The following MCC variants were observed in gnomAD, a reference collection of about 807,000 sequenced individuals.
MCC encodes the protein colorectal mutant cancer protein.
Under a neutral mutation model 116.2 loss-of-function variants are expected in MCC, and 90 were observed. The ratio of observed to expected loss-of-function variants is 0.77; its 90% CI spans 0.65 to 0.92. MCC has a LOEUF of 0.92. MCC is among the 40% of genes least tolerant of loss of function. The pLI is 0.00. For synonymous variants in MCC, 578 were observed against 510.5 expected (o/e 1.13, Z -1.78); for missense variants, 1,516 against 1,312.2 (o/e 1.16, Z -2.40).
At chr5:113,273,604 A>C (rs1765693281) in intron 3 of MCC, among the ~76,000 whole-genome samples, 1 of 152,190 alleles carries the variant, frequency 6.6e-6, no homozygotes, top group Non-Finnish European at 1.5e-5. Flanking sequence ...CACATTTTAA[A>C]GAATTTAGAT....
At chr5:113,042,201 G>A (rs1379450881) in intron 17 of MCC, among the ~76,000 whole-genome samples, 1 of 151,766 alleles carries the variant, frequency 6.6e-6, no homozygotes, top group Non-Finnish European at 1.5e-5. Context: ...GCCGGGCAGG[G>A]CACTGCATGC....
chr5:113,381,531 TA>T (rs1165095717), intron 2 of MCC, among the ~76,000 whole-genome samples: 4 of 152,194 alleles, frequency 2.6e-5, no homozygotes, highest in African/African-American at 9.7e-5. Context: ...TGCTTGCCTG[TA>T]ATCTCAGCAC....
rs1005949382 is a variant in MCC at position 113,029,840 on chromosome 5, T to C, written c.2757-784A>G. Among the ~76,000 whole-genome samples the C allele has an allele frequency of 1.5e-4, 23 of 152,216 alleles. 1 individual carries two copies. Among genetic ancestry groups the C allele is most frequent in the Admixed American group, 5.2e-4 (8 of 15,284 alleles). ...TATCACATGCACAGTGTTACTCCAC[T>C]TAGTAGCACACTCAGCACTATGTCA... On this transcript the variant is annotated intron_variant, in intron 17 of 18. Coordinates refer to ENST00000408903, the MANE Select transcript of MCC (RefSeq NM_001085377.2).
rs1446461174 is a variant in MCC, at chr5:113,294,747, T to C, written c.627+45772A>G. 3 of 993,804 alleles carry C rather than the reference T, an allele frequency of 3.0e-6. No individual in the cohort carries two copies. In the Admixed American group the frequency reaches 1.8e-4, roughly 60 times the overall value. The allele number at this position is 993,804 out of a possible 1,614,324, so 61.6% of individuals were successfully genotyped here. On this transcript the variant is annotated intron_variant, in intron 3 of 18. Transcript: ENST00000408903. Reference sequence around the variant, plus strand: ...TCCTACGGTGCCTCGCCGCCCCCCATTACCAGGATGGAGGGCACTTCCCAG... The same window carrying C: ...TCCTACGGTGCCTCGCCGCCCCCCACTACCAGGATGGAGGGCACTTCCCAG...
chr5:113,192,708 C>G (rs977176585), intron 3 of MCC, among the ~76,000 whole-genome samples: 2 of 152,226 alleles, frequency 1.3e-5, no homozygotes, highest in African/African-American at 4.8e-5. Context: ...GCACACAACA[C>G]AGTCCAAACA....
At chr5:113,052,799 G>A (rs1440270228) in intron 15 of MCC, among the ~76,000 whole-genome samples, 1 of 152,140 alleles carries the variant, frequency 6.6e-6, no homozygotes, top group South Asian at 2.1e-4. Context: ...CCGGAGGTCA[G>A]GTGGCTGAAA....
intron 3 of MCC, among the ~76,000 whole-genome samples, chr5:113,219,363 G>A (rs1763454120): frequency 6.6e-6 from 1 of 152,296 alleles, no homozygotes; most frequent in Middle Eastern, 3.4e-3. Flanking sequence ...CTCCTGTGAG[G>A]ACTTCCAATA....
rs138654069 is a variant in MCC at position 113,147,844 on chromosome 5, A to G, written c.741+3465T>C. Among the ~76,000 whole-genome samples, 550 of 152,318 alleles carry G rather than the reference A, an allele frequency of 3.6e-3. 20 individuals are homozygous for G. In the South Asian group the frequency reaches 0.089, roughly 25 times the overall value. ...CCTAACAAAAATACATGCCGACTAC[A>G]TCTCAGAAAAGTTATCTCAGAAAAC... On this transcript the variant is annotated intron_variant, in intron 4 of 18. Transcript: ENST00000408903.
chr5:113,055,658 A>T (rs1053646123), intron 14 of MCC, among the ~76,000 whole-genome samples: 36 of 152,206 alleles, frequency 2.4e-4, no homozygotes, highest in Admixed American at 1.3e-4. Context: ...GGTAAGCTAG[A>T]TCAGCCTGAC....
intron 3 of MCC, among the ~76,000 whole-genome samples, chr5:113,248,426 C>T (rs1764656569): frequency 6.6e-6 from 1 of 152,024 alleles, no homozygotes; most frequent in Non-Finnish European, 1.5e-5. Context: ...CACTTCATTG[C>T]CTCAGTAAAT....
At chr5:113,058,808 T>C (rs2150226338) in intron 14 of MCC, among the ~76,000 whole-genome samples, 1 of 152,318 alleles carries the variant, frequency 6.6e-6, no homozygotes, top group African/African-American at 2.4e-5. Flanking sequence ...AGGCAGCTGG[T>C]GCTGCCACAC....
At chr5:113,113,288 T>C (rs558411151) in intron 6 of MCC, among the ~76,000 whole-genome samples, 1 of 152,344 alleles carries the variant, frequency 6.6e-6, no homozygotes, top group African/African-American at 2.4e-5. Flanking sequence ...AGGAGGGCTG[T>C]TGCTTTCTTT....
chr5:113,079,599 A>C (rs1405604154), intron 11 of MCC, among the ~76,000 whole-genome samples: 2 of 152,268 alleles, frequency 1.3e-5, no homozygotes, highest in African/African-American at 4.8e-5. Context: ...AAAACTGGCT[A>C]GCCATATGTA....
At chr5:113,442,339 T>G (rs1403065830) in intron 1 of MCC, among the ~76,000 whole-genome samples, 1 of 152,192 alleles carries the variant, frequency 6.6e-6, no homozygotes, top group East Asian at 1.9e-4. Context: ...GCCTACCTTT[T>G]GATGGGGTTG....
chr5:113,350,942 C>T (rs1017361348), intron 2 of MCC, among the ~76,000 whole-genome samples: 2 of 152,118 alleles, frequency 1.3e-5, no homozygotes, highest in African/African-American at 2.4e-5. Flanking sequence ...AGGTGCTCAA[C>T]ATCATTGATT....
rs534092017 is a variant in MCC, at chr5:113,370,450, G to C, written c.415+14518C>G. Among the ~76,000 whole-genome samples the C allele has an allele frequency of 2.0e-5, 3 of 152,298 alleles. No individual in the cohort carries two copies. In the East Asian group the frequency reaches 5.8e-4, roughly 29 times the overall value. ...CTAGATAATAAGGAGTATCAGAAGT[G>C]ACCGTGGGTACTAGCCCAATCCTAT... On this transcript the variant is annotated intron_variant, in intron 2 of 18. Coordinates refer to ENST00000408903, the MANE Select transcript of MCC (RefSeq NM_001085377.2).
chr5:113,164,885 G>T (rs542063534), intron 3 of MCC, among the ~76,000 whole-genome samples: 1 of 152,182 alleles, frequency 6.6e-6, no homozygotes, highest in African/African-American at 2.4e-5. Context: ...AGTTTCAGTG[G>T]GATCCCCATG....
chr5:113,166,239 C>T (rs886592429), intron 3 of MCC, among the ~76,000 whole-genome samples: 1 of 152,106 alleles, frequency 6.6e-6, no homozygotes, highest in Non-Finnish European at 1.5e-5. Flanking sequence ...TGATACATTT[C>T]CAACCTAGAT....
At chr5:113,117,971 G>A (rs1276350080) in intron 6 of MCC, among the ~76,000 whole-genome samples, 1 of 152,172 alleles carries the variant, frequency 6.6e-6, no homozygotes, top group Non-Finnish European at 1.5e-5. Flanking sequence ...TCAACCACTG[G>A]CATGTCTTCC....
Sources: allele counts gnomAD v4.1 joint callset (sites outside exome capture counted in the v4.1 genomes callset), GRCh38; gene constraint gnomAD v4.1.1; transcripts MANE v1.5; gene names NCBI Gene and HGNC (gene_info 2026-07-23, HGNC 2026-07-21).